Variants in ARVCF observed in about 807,000 individuals in gnomAD.
The protein encoded by ARVCF is splicing regulator ARVCF.
Under a neutral mutation model 90.9 loss-of-function variants are expected in ARVCF, and 66 were observed. That is an observed-to-expected ratio of 0.73 (90% confidence interval 0.60 to 0.89). ARVCF has a LOEUF of 0.89. Among genes scored for constraint, ARVCF ranks in the 40% least tolerant of loss-of-function variants. The pLI, the probability that ARVCF is intolerant of heterozygous loss-of-function variation, is 0.00. For missense variants in ARVCF, 1,469 were observed against 1,382.3 expected (o/e 1.06, Z -1.00); for synonymous variants, 653 against 603.4 (o/e 1.08, Z -1.21).
chr22:19,974,711 A>C (rs1814374412), intron 11 of ARVCF, among the ~76,000 whole-genome samples: 1 of 151,786 alleles, frequency 6.6e-6, no homozygotes, highest in Non-Finnish European at 1.5e-5. Flanking sequence ...CTGTGCAGAG[A>C]GCTACGCCCC....
intron 2 of ARVCF, among the ~76,000 whole-genome samples, chr22:19,993,056 G>C (rs1456164449): frequency 6.6e-6 from 1 of 152,202 alleles, no homozygotes; most frequent in East Asian, 1.9e-4. Flanking sequence ...GTGTTGTGGG[G>C]AGAGTCTGGC....
At chr22:19,971,726 C>T (rs534599278) in intron 18 of ARVCF, among the ~76,000 whole-genome samples, 160 bp downstream of exon 18, 1 of 152,310 alleles carries the variant, frequency 6.6e-6, no homozygotes, top group African/African-American at 2.4e-5. Flanking sequence ...TCAGTACCCA[C>T]AGACTGACTG....
intron 17 of ARVCF, 67 bp downstream of exon 17, chr22:19,972,291 G>C: frequency 1.9e-6 from 3 of 1,600,726 alleles, no homozygotes; most frequent in Non-Finnish European, 2.6e-6. Context: ...CATAAAACCA[G>C]CAGGCCCACT....
chr22:19,978,202 A>T, intron 7 of ARVCF, 127 bp from the exon 8 acceptor site: 2 of 778,470 alleles, frequency 2.6e-6, no homozygotes, highest in Non-Finnish European at 4.0e-6. Flanking sequence ...ACTAATGGGA[A>T]AGGACCCCAC....
At chr22:19,996,816 G>A (rs1180531374) in intron 2 of ARVCF, among the ~76,000 whole-genome samples, 2 of 152,110 alleles carry the variant, frequency 1.3e-5, no homozygotes, top group African/African-American at 4.8e-5. Flanking sequence ...CACTGTCAGA[G>A]AGCCATAATC....
At chr22:20,015,040 T>C (rs976987136) in intron 1 of ARVCF, among the ~76,000 whole-genome samples, 36 of 151,736 alleles carry the variant, frequency 2.4e-4, no homozygotes, top group African/African-American at 8.5e-4. Flanking sequence ...CCAGATGTGG[T>C]GGGTGGGGAG....
At chr22:19,996,269 G>T (rs1944246613) in intron 2 of ARVCF, among the ~76,000 whole-genome samples, 1 of 151,108 alleles carries the variant, frequency 6.6e-6, no homozygotes, top group African/African-American at 2.4e-5. Flanking sequence ...CCCGAGGAAA[G>T]ACGCACAAGC....
chr22:19,987,127 G>A (rs547166731), intron 3 of ARVCF: 1 of 512,270 alleles, frequency 2.0e-6, no homozygotes, highest in Non-Finnish European at 3.5e-6. Context: ...GGCCAGCAGC[G>A]GGGGAGGCGG....
At chr22:19,972,573 G>A (rs1388178202) in intron 16 of ARVCF, among the ~76,000 whole-genome samples, 162 bp from the exon 17 acceptor site, 2 of 152,200 alleles carry the variant, frequency 1.3e-5, no homozygotes, top group Middle Eastern at 3.2e-3. Context: ...CAACAGCGCG[G>A]ATGCTGTGGG....
chr22:19,976,551 C>T (rs1425708627), intron 10 of ARVCF, among the ~76,000 whole-genome samples, 155 bp downstream of exon 10: 1 of 152,220 alleles, frequency 6.6e-6, no homozygotes, highest in Non-Finnish European at 1.5e-5. Context: ...ACAGAATGAG[C>T]CCCGTGGCCT....
chr22:19,994,143 G>A (rs73150839), intron 2 of ARVCF, among the ~76,000 whole-genome samples: 4,606 of 152,154 alleles, frequency 0.03, 96 homozygotes, highest in Middle Eastern at 0.048. Context: ...AGGGTGGCTG[G>A]GGCAGTGGTG....
intron 1 of ARVCF, among the ~76,000 whole-genome samples, chr22:20,014,124 C>T (rs1043686332): frequency 4.0e-5 from 6 of 151,832 alleles, no homozygotes; most frequent in African/African-American, 1.5e-4. Flanking sequence ...GATCTGTCTG[C>T]CTGCCTCGGC....
At chr22:19,993,740 G>A (rs961939745) in intron 2 of ARVCF, among the ~76,000 whole-genome samples, 7 of 152,344 alleles carry the variant, frequency 4.6e-5, no homozygotes, top group Middle Eastern at 3.4e-3. Context: ...GCCCACGAGT[G>A]ACCAGACTTC....
intron 3 of ARVCF, chr22:19,986,820 G>A (rs764019353): frequency 2.4e-6 from 1 of 416,758 alleles, no homozygotes; most frequent in Non-Finnish European, 4.3e-6. Context: ...CAGGGGTCCC[G>A]ACCCCCCCAG....
At chr22:19,997,316 C>T (rs1944290619) in intron 2 of ARVCF, among the ~76,000 whole-genome samples, 1 of 152,200 alleles carries the variant, frequency 6.6e-6, no homozygotes, top group Non-Finnish European at 1.5e-5. Context: ...ACTGTCCCTC[C>T]TCTGTGGGAG....
chr22:19,985,478 G>T (rs1943717353), intron 3 of ARVCF, among the ~76,000 whole-genome samples: 1 of 152,236 alleles, frequency 6.6e-6, no homozygotes, highest in East Asian at 1.9e-4. Context: ...CAGCATAGGG[G>T]CTCTGGGCCC....
chr22:19,972,630 G>C, intron 16 of ARVCF, 107 bp downstream of exon 16: 1 of 1,287,336 alleles, frequency 7.8e-7, no homozygotes, highest in Non-Finnish European at 1.1e-6. Flanking sequence ...GCCTATGGAA[G>C]CCGTCTCAGT....
At chr22:19,979,656 C>T (rs993779517) in intron 6 of ARVCF, 87 bp downstream of exon 6, 9 of 1,466,500 alleles carry the variant, frequency 6.1e-6, no homozygotes, top group African/African-American at 4.2e-5. Flanking sequence ...CCCAGGCGGT[C>T]GCAGGCCGAG....
rs375174769 is a variant in ARVCF, at chr22:19,972,430, A to C, written c.2642-19T>G. 1.4e-5 allele frequency: 23 copies of C among 1,607,400 alleles called. No individual in the cohort carries two copies. The highest frequency in any genetic ancestry group is 7.7e-5 in the South Asian group (7 of 90,506). ...TCGCCCTCTGCAAGGCAGGAGGAGG[A>C]GACGGGCTGCATGTGGCAGCCAGGG... On this transcript the variant is annotated intron_variant, in intron 16 of 19. Coordinates refer to ENST00000263207, the MANE Select transcript of ARVCF (RefSeq NM_001670.3).
Sources: gnomAD v4.1 joint callset for allele counts (sites outside exome capture counted in the v4.1 genomes callset) on GRCh38, gnomAD v4.1.1 for gene constraint, MANE v1.5 for transcripts, NCBI Gene and HGNC (gene_info 2026-07-23, HGNC 2026-07-21) for gene names.